ADGRL3: variants seen among roughly 807,000 people sequenced by gnomAD.
The protein encoded by ADGRL3 is calcium-independent alpha-latrotoxin receptor 3.
A neutral mutation model predicts 153.5 loss-of-function variants in ADGRL3; 62 were observed. The observed-to-expected ratio is 0.40, with a 90% CI of 0.33 to 0.50. The LOEUF is 0.50. Ranked by LOEUF, ADGRL3 falls within the 20% of genes least tolerant of loss-of-function variation. The probability of loss-of-function intolerance (pLI) is 0.47; values close to 1 mark genes in which losing one functional copy is unlikely to be tolerated. For synonymous variants in ADGRL3, 710 were observed against 672.5 expected (o/e 1.06, Z -0.86); for missense variants, 1,641 against 1,859.4 (o/e 0.88, Z 2.16).
Position 61,200,678 on chromosome 4 carries a change from T to C in ADGRL3, c.-1327T>C, listed in dbSNP as rs966536602. Among the ~76,000 whole-genome samples the C allele has an allele frequency of 2.0e-5, 3 of 151,914 alleles. No homozygotes were observed. The highest frequency in any genetic ancestry group is 7.2e-5 in the African/African-American group (3 of 41,390). On this transcript the variant is annotated 5_prime_UTR_variant, in exon 1 of 27. Transcript: ENST00000683033. ...TGTGCGCGCGCGCGGGTTGCACGGT[T>C]TGCTTTGGCAGGAGCTCGCTCGTGT...
chr4:61,645,972 G>T (rs985666377), intron 5 of ADGRL3, among the ~76,000 whole-genome samples: 10 of 152,114 alleles, frequency 6.6e-5, no homozygotes, highest in African/African-American at 2.2e-4. Context: ...TTTCTTGGAG[G>T]CTTTGCTCGT....
intron 1 of ADGRL3, among the ~76,000 whole-genome samples, chr4:61,241,807 T>C (rs979029613): frequency 2.0e-5 from 3 of 152,118 alleles, no homozygotes; most frequent in African/African-American, 7.2e-5. Flanking sequence ...TTAACATTGC[T>C]ATATTTGGGA....
At chr4:61,895,161 A>T (rs1561431119) in intron 10 of ADGRL3, among the ~76,000 whole-genome samples, 1 of 152,058 alleles carries the variant, frequency 6.6e-6, no homozygotes, top group African/African-American at 2.4e-5. Context: ...CATCTCATCC[A>T]TGAAATTCTT....
intron 9 of ADGRL3, among the ~76,000 whole-genome samples, chr4:61,819,510 C>A (rs930480219): frequency 2.0e-5 from 3 of 152,044 alleles, no homozygotes; most frequent in Admixed American, 2.0e-4. Flanking sequence ...GCAATTTCAC[C>A]AGTCTACATA....
chr4:61,235,759 A>G (rs1752542752), intron 1 of ADGRL3, among the ~76,000 whole-genome samples: 3 of 152,196 alleles, frequency 2.0e-5, no homozygotes, highest in South Asian at 4.1e-4. Flanking sequence ...TTTGAGTTAG[A>G]TAATTCCCCT....
Position 61,200,595 on chromosome 4 carries a change from G to A in ADGRL3, c.-1410G>A, listed in dbSNP as rs1047306906. On this transcript the variant is annotated 5_prime_UTR_variant, in exon 1 of 27. In the 5' UTR this introduces an upstream ATG that the reference lacks. Coordinates refer to ENST00000683033, the MANE Select transcript of ADGRL3 (RefSeq NM_001387552.1). ...GCTGCTGCCGCCGCCACCGCCGCCT[G>A]TGACTCGCCCCCTCCCCTTTCTTTC... 1.2e-4 allele frequency among the ~76,000 whole-genome samples: 19 copies of A among 152,032 alleles called. No homozygotes were observed. The highest frequency in any genetic ancestry group is 4.3e-4 in the African/African-American group (18 of 41,412).
At chr4:61,901,044 T>C (rs1561439610) in intron 11 of ADGRL3, among the ~76,000 whole-genome samples, 2 of 152,300 alleles carry the variant, frequency 1.3e-5, no homozygotes, top group East Asian at 3.9e-4. Flanking sequence ...TGGTTTATAA[T>C]TTCACCCGTC....
chr4:61,237,320 T>C (rs1353340796), intron 1 of ADGRL3, among the ~76,000 whole-genome samples: 1 of 152,164 alleles, frequency 6.6e-6, no homozygotes, highest in Non-Finnish European at 1.5e-5. Context: ...CAATTTTTAG[T>C]GTTTTGGTCC....
chr4:61,551,086 A>G lies in ADGRL3; in HGVS notation c.259+33568A>G, dbSNP rs75944904. On this transcript the variant is annotated intron_variant, in intron 4 of 26. Coordinates refer to ENST00000683033, the MANE Select transcript of ADGRL3 (RefSeq NM_001387552.1). ...TTTTTCTTTTCTCATATCAGCTTAC[A>G]TGTTAGTAGGCTGTAAGTAAACACC... Among the ~76,000 whole-genome samples the G allele has an allele frequency of 7.9e-5, 12 of 152,092 alleles. No individual in the cohort carries two copies. The East Asian group carries it at 1.9e-3, about 24-fold the overall frequency.
intron 1 of ADGRL3, among the ~76,000 whole-genome samples, chr4:61,251,727 T>A (rs868349787): frequency 6.6e-6 from 1 of 151,676 alleles, no homozygotes; most frequent in Non-Finnish European, 1.5e-5. Context: ...GTAAATTTAA[T>A]CCTAGATTTT....
chr4:61,724,018 CTA>C (rs1463297338), intron 6 of ADGRL3, among the ~76,000 whole-genome samples: 1 of 152,168 alleles, frequency 6.6e-6, no homozygotes, highest in East Asian at 1.9e-4. Flanking sequence ...CTATTTGTCT[CTA>C]TTCACATCTG....
intron 2 of ADGRL3, among the ~76,000 whole-genome samples, chr4:61,431,642 C>A (rs1223130598): frequency 3.3e-5 from 5 of 151,978 alleles, no homozygotes; most frequent in Admixed American, 6.6e-5. Context: ...TGTGATGACA[C>A]CATATAAGAA....
At chr4:61,234,951 T>C (rs919083855) in intron 1 of ADGRL3, among the ~76,000 whole-genome samples, 1 of 152,152 alleles carries the variant, frequency 6.6e-6, no homozygotes, top group Non-Finnish European at 1.5e-5. Flanking sequence ...ATGAGATGCT[T>C]GAATGTGATT....
intron 1 of ADGRL3, among the ~76,000 whole-genome samples, chr4:61,295,037 C>T (rs2094359699): frequency 1.3e-5 from 2 of 152,012 alleles, no homozygotes; most frequent in Non-Finnish European, 2.9e-5. Context: ...ATAAACAATT[C>T]ATATGTTTTA....
chr4:61,374,048 A>G (rs193033108), intron 1 of ADGRL3, among the ~76,000 whole-genome samples: 1 of 152,282 alleles, frequency 6.6e-6, no homozygotes, highest in East Asian at 1.9e-4. Flanking sequence ...CTGTAATGCC[A>G]GTATTACCTA....
chr4:61,790,379 C>T (rs951022999), intron 8 of ADGRL3, among the ~76,000 whole-genome samples: 4 of 152,028 alleles, frequency 2.6e-5, no homozygotes, highest in African/African-American at 9.7e-5. Context: ...GAGATACATC[C>T]CAAGACCCCT....
intron 9 of ADGRL3, among the ~76,000 whole-genome samples, chr4:61,878,729 G>T (rs2098490946): frequency 2.0e-5 from 3 of 152,092 alleles, no homozygotes; most frequent in Admixed American, 2.0e-4. Context: ...AAGACATTGA[G>T]AGTTGTTGTC....
At chr4:61,852,661 T>C (rs1171262181) in intron 9 of ADGRL3, among the ~76,000 whole-genome samples, 2 of 152,134 alleles carry the variant, frequency 1.3e-5, no homozygotes, top group Non-Finnish European at 2.9e-5. Flanking sequence ...GGAGTGTGAA[T>C]ACCCCAGTTA....
intron 5 of ADGRL3, among the ~76,000 whole-genome samples, chr4:61,626,760 G>A (rs1286210374): frequency 2.0e-5 from 3 of 151,890 alleles, no homozygotes; most frequent in Admixed American, 6.6e-5. Flanking sequence ...TAATCCTCCT[G>A]AGTTCTACTA....
Sources: allele counts gnomAD v4.1 joint callset (sites outside exome capture counted in the v4.1 genomes callset), GRCh38; gene constraint gnomAD v4.1.1; transcripts MANE v1.5; gene names NCBI Gene and HGNC (gene_info 2026-07-23, HGNC 2026-07-21).